Variants in ERG observed in about 807,000 individuals in gnomAD.
ERG encodes transcriptional regulator ERG.
A neutral mutation model predicts 55.3 loss-of-function variants in ERG; 9 were observed. That is an observed-to-expected ratio of 0.16 (90% CI 0.10 to 0.28). The LOEUF (loss-of-function observed/expected upper bound fraction) is 0.28, where lower values mean the gene tolerates loss of function less well. Ranked by LOEUF, ERG falls within the 10% of genes least tolerant of loss-of-function variation. ERG has a pLI of 1.00. For missense variants in ERG, 434 were observed against 631.6 expected, an observed-to-expected ratio of 0.69 and a Z score of 3.35; for synonymous variants, 223 against 237.3, an observed-to-expected ratio of 0.94 and a Z score of 0.55.
At chr21:38,447,810 C>T (rs914911668) in intron 1 of ERG, among the ~76,000 whole-genome samples, 2 of 151,978 alleles carry the variant, frequency 1.3e-5, no homozygotes, top group Non-Finnish European at 2.9e-5. Context: ...TGAGACTCGA[C>T]CAAGGCTCGC....
chr21:38,424,581 G>A (rs1007322185), intron 2 of ERG, among the ~76,000 whole-genome samples: 2 of 152,162 alleles, frequency 1.3e-5, no homozygotes, highest in African/African-American at 4.8e-5. Context: ...TTGTTCTCGC[G>A]GTGTGACAGC....
intron 3 of ERG, among the ~76,000 whole-genome samples, chr21:38,409,978 C>A (rs540255645): frequency 4.3e-4 from 66 of 152,346 alleles, no homozygotes; most frequent in Admixed American, 1.0e-3. Flanking sequence ...TCTTATTCAA[C>A]CATTTACTGG....
chr21:38,542,998 G>T (rs1231836443), intron 2 of ERG, among the ~76,000 whole-genome samples: 1 of 152,006 alleles, frequency 6.6e-6, no homozygotes, highest in Non-Finnish European at 1.5e-5. Flanking sequence ...AACTTCTATG[G>T]ATGTCAAGCT....
chr21:38,521,935 A>G (rs2059598024), intron 2 of ERG, among the ~76,000 whole-genome samples: 1 of 152,300 alleles, frequency 6.6e-6, no homozygotes, highest in East Asian at 1.9e-4. Context: ...AAAACATGAT[A>G]TGAATGAAAT....
chr21:38,460,615 T>C lies in ERG; in HGVS notation c.19-14994A>G, dbSNP rs1468203278. Among the ~76,000 whole-genome samples, 1 of 152,110 alleles carries C rather than the reference T, an allele frequency of 6.6e-6. No individual in the cohort carries two copies. The highest frequency in any genetic ancestry group is 1.5e-5 in the Non-Finnish European group (1 of 68,030). On this transcript the variant is annotated intron_variant, in intron 1 of 9. Transcript: ENST00000288319. This position sits in a 1 kb window ranked among gnomAD's most constrained non-coding sequence, Gnocchi z 5.0. Reference sequence around the variant, plus strand: ...GAGAATCTGTACTTTTCATTCAGAGTCTGCAAGGGGTCACGGCCATTTTGA... The same window carrying C: ...GAGAATCTGTACTTTTCATTCAGAGCCTGCAAGGGGTCACGGCCATTTTGA...
intron 3 of ERG, among the ~76,000 whole-genome samples, chr21:38,421,712 C>T (rs1173846348): frequency 6.6e-6 from 1 of 152,228 alleles, no homozygotes; most frequent in East Asian, 1.9e-4. Context: ...GGTGAGGTGT[C>T]CGTTCATCCA....
At chr21:38,410,825 TG>T (rs1465395309) in intron 3 of ERG, among the ~76,000 whole-genome samples, 1 of 152,076 alleles carries the variant, frequency 6.6e-6, no homozygotes, top group Non-Finnish European at 1.5e-5. Flanking sequence ...AAAGCCAAAC[TG>T]GTGATAATGA....
intron 1 of ERG, among the ~76,000 whole-genome samples, chr21:38,461,149 T>C (rs937999852): frequency 3.3e-5 from 5 of 152,206 alleles, no homozygotes; most frequent in African/African-American, 9.6e-5. Context: ...TATTCTCTCA[T>C]GGCTCTGGAA....
At position 38,551,722 on chromosome 21, in the gene ERG, GT is replaced by G. The variant is rs902357391; in HGVS notation, c.-41+23939del. Among the ~76,000 whole-genome samples the G allele has an allele frequency of 3.1e-4, 47 of 151,916 alleles. 1 individual carries two copies. Among genetic ancestry groups the G allele is most frequent in the African/African-American group, 1.1e-3 (45 of 41,446 alleles). On this transcript the variant is annotated intron_variant, in intron 2 of 8. Transcript: ENST00000398897. ...AAAGTACGGCTAGTATGATTTCAGG[GT>G]TTTTTTTCATTTGTTGCAAATTGTT...
intron 2 of ERG, among the ~76,000 whole-genome samples, chr21:38,557,584 T>C (rs1392101955): frequency 5.3e-5 from 8 of 152,242 alleles, no homozygotes; most frequent in Admixed American, 5.2e-4. Flanking sequence ...TGTGTATGTT[T>C]TTTTAAAAGG....
chr21:38,481,951 C>CA (rs1168230693), intron 1 of ERG, among the ~76,000 whole-genome samples: 1 of 152,146 alleles, frequency 6.6e-6, no homozygotes, highest in Non-Finnish European at 1.5e-5. Context: ...TTCAATGACC[C>CA]AATGCAAATC....
chr21:38,392,398 G>T lies in ERG; in HGVS notation c.792C>A (p.Gly264=), dbSNP rs1451257831. 6.4e-7 allele frequency: 1 copy of T among 1,567,094 alleles called. No homozygotes were observed. The highest frequency in any genetic ancestry group is 8.7e-7 in the Non-Finnish European group (1 of 1,154,252). The part of the protein sequence containing the change: ...PPRRSAWTGH[G]HPTPQSKAAQ... Reference sequence around the variant, plus strand: ...TACCTTTCGACTGGGGCGTGGGGTGGCCGTGACCGGTCCAGGCTGATCTCC... The same window carrying T: ...TACCTTTCGACTGGGGCGTGGGGTGTCCGTGACCGGTCCAGGCTGATCTCC... Residue 264 remains glycine (G), a synonymous_variant, in exon 7 of 10, where the codon GGC becomes GGA. Transcript: ENST00000288319.
chr21:38,485,282 T>G (rs1192914662), intron 1 of ERG, among the ~76,000 whole-genome samples: 1 of 151,800 alleles, frequency 6.6e-6, no homozygotes, highest in Non-Finnish European at 1.5e-5. Flanking sequence ...GCTTATTGAG[T>G]AAGGATATAA....
At chr21:38,429,140 G>T (rs557188281) in intron 2 of ERG, among the ~76,000 whole-genome samples, 1 of 151,932 alleles carries the variant, frequency 6.6e-6, no homozygotes, top group East Asian at 1.9e-4. Flanking sequence ...CACAATATTT[G>T]GTTTTCCATT....
At chr21:38,613,707 G>A (rs2060242145) in intron 1 of ERG, among the ~76,000 whole-genome samples, 1 of 152,186 alleles carries the variant, frequency 6.6e-6, no homozygotes, top group Non-Finnish European at 1.5e-5. Flanking sequence ...TAAGAGTGAG[G>A]GGGACAGAGG....
At chr21:38,632,478 T>A (rs1206969696) in intron 1 of ERG, among the ~76,000 whole-genome samples, 1 of 152,178 alleles carries the variant, frequency 6.6e-6, no homozygotes, top group Non-Finnish European at 1.5e-5. Context: ...ATTGTAATAA[T>A]CCCCACGTGT....
downstream of ERG, among the ~76,000 whole-genome samples, chr21:38,375,601 A>C (rs948462404): frequency 6.6e-6 from 1 of 152,182 alleles, no homozygotes; most frequent in Non-Finnish European, 1.5e-5. Flanking sequence ...GTGGAACAAA[A>C]ACTGAGAATT....
At chr21:38,595,195 C>T (rs1482650023) in intron 1 of ERG, among the ~76,000 whole-genome samples, 1 of 152,024 alleles carries the variant, frequency 6.6e-6, no homozygotes, top group East Asian at 1.9e-4. Flanking sequence ...GAGCACCTGC[C>T]GAGCAAAGTT....
intron 2 of ERG, among the ~76,000 whole-genome samples, chr21:38,444,860 G>T (rs1186183560): frequency 6.6e-6 from 1 of 152,078 alleles, no homozygotes; most frequent in Non-Finnish European, 1.5e-5. Flanking sequence ...CGCACTGCCT[G>T]GCCACTAGCT....
Sources: allele counts gnomAD v4.1 joint callset (sites outside exome capture counted in the v4.1 genomes callset), GRCh38; gene constraint gnomAD v4.1.1; non-coding constraint Gnocchi (gnomAD v3.1); transcripts MANE v1.5; gene names NCBI Gene and HGNC (gene_info 2026-07-23, HGNC 2026-07-21).